TSBP1: variants seen among roughly 807,000 people sequenced by gnomAD.
TSBP1 encodes testis expressed basic protein 1.
In TSBP1, 56 loss-of-function variants were observed where a neutral mutation model predicts 68.8. That is an observed-to-expected ratio of 0.81 (90% CI 0.66 to 1.02). TSBP1 has a LOEUF of 1.02. TSBP1 is among the 50% of genes least tolerant of loss of function. TSBP1 has a pLI of 0.00. For missense variants in TSBP1, 502 were observed against 641.2 expected, an observed-to-expected ratio of 0.78 and a Z score of 2.34; for synonymous variants, 171 against 208.7, an observed-to-expected ratio of 0.82 and a Z score of 1.56.
Position 32,336,973 on chromosome 6 carries a change from AG to A in TSBP1, c.410-339del, listed in dbSNP as rs70993817. Among the ~76,000 whole-genome samples the A allele has an allele frequency of 0.34, 51,128 of 152,064 alleles. 9,648 individuals carry two copies. Among genetic ancestry groups the A allele is most frequent in the Middle Eastern group, 0.52 (153 of 294 alleles). ...TGCTTGGGCATCAGAAGGTGTCAGA[AG>A]ATTTGAATACAATTAAGAAGTATGA... On this transcript the variant is annotated intron_variant, in intron 11 of 22. Transcript: ENST00000612031. This position sits in a 1 kb window ranked among gnomAD's most constrained non-coding sequence, Gnocchi z 5.2.
Position 32,325,621 on chromosome 6 carries a change from A to G in TSBP1, c.515-2007T>C, listed in dbSNP as rs1281768199. 2.8e-5 allele frequency: 28 copies of G among 1,009,272 alleles called. No individual in the cohort carries two copies. The highest frequency in any genetic ancestry group is 4.9e-5 in the African/African-American group (3 of 61,724). The allele number at this position is 1,009,272 out of a possible 1,614,324, so 62.5% of individuals were successfully genotyped here. A position where few individuals can be genotyped will look rare whatever the true frequency, so the allele number is the denominator to read the frequency against. ...AGTATGGAAAAATTGAAGTGATTGAAAACATGACTGACCGAGGCAGTTGCA... is the reference window on the plus strand; with the variant it reads ...AGTATGGAAAAATTGAAGTGATTGAGAACATGACTGACCGAGGCAGTTGCA... On this transcript the variant is annotated intron_variant, in intron 16 of 22. Transcript: ENST00000612031. This position sits in a 1 kb window ranked among gnomAD's most constrained non-coding sequence, Gnocchi z 4.4.
chr6:32,310,761 A>ATATATTTTTTTTTTTTTT, intron 19 of TSBP1, among the ~76,000 whole-genome samples: 2 of 144,834 alleles, frequency 1.4e-5, no homozygotes, highest in East Asian at 2.0e-4. Context: ...ATATATATAT[A>ATATATTTTTTTTTTTTTT]TTTTTAATCT....
intron 18 of TSBP1, among the ~76,000 whole-genome samples, chr6:32,322,063 A>G (rs1431136826): frequency 6.6e-6 from 1 of 152,198 alleles, no homozygotes; most frequent in Non-Finnish European, 1.5e-5. Context: ...TAACCTTGAC[A>G]GGAACTTTGG....
In TSBP1 at chr6:32,335,939, G is replaced by C. The variant is rs375766880; in HGVS notation, c.431-7C>G. On this transcript the variant is annotated splice_polypyrimidine_tract_variant and splice_region_variant and intron_variant, in intron 12 of 22. Transcript: ENST00000612031. This position sits in a 1 kb window ranked among gnomAD's most constrained non-coding sequence, Gnocchi z 5.5. ...ATAGGTCCTGTAGCTCCGGCTGTGA[G>C]AGAGAAAGAGGGAGAAAGAAAAAGA... The C allele has an allele frequency of 4.7e-5, 75 of 1,607,804 alleles. 1 individual carries two copies. In the African/African-American group the frequency reaches 9.3e-4, roughly 20 times the overall value.
At position 32,337,867 on chromosome 6, in the gene TSBP1, C is replaced by A. The variant is rs59988507; in HGVS notation, c.409+1112G>T. ...TGACTTGATTATTTTAATAATGTTC[C>A]ATTTGTGTAAATACTCCAAGAGGAG... On this transcript the variant is annotated intron_variant, in intron 11 of 22. Coordinates refer to ENST00000612031, the Ensembl canonical transcript of TSBP1. This position sits in a 1 kb window ranked among gnomAD's most constrained non-coding sequence, Gnocchi z 5.5. 3.7e-3 allele frequency among the ~76,000 whole-genome samples: 569 copies of A among 152,238 alleles called. 3 individuals carry two copies. Among genetic ancestry groups the A allele is most frequent in the African/African-American group, 0.012 (511 of 41,538 alleles).
intron 8 of TSBP1, among the ~76,000 whole-genome samples, chr6:32,353,979 A>G (rs1771990467): frequency 6.6e-6 from 1 of 152,028 alleles, no homozygotes; most frequent in Non-Finnish European, 1.5e-5. Flanking sequence ...AACTATTAAG[A>G]GAAAGTATTA....
At chr6:32,351,378 G>A (rs1406501355) in intron 8 of TSBP1, among the ~76,000 whole-genome samples, 1 of 152,248 alleles carries the variant, frequency 6.6e-6, no homozygotes, top group African/African-American at 2.4e-5. Context: ...CTAAGACACT[G>A]CTGAGAGAAG....
chr6:32,333,204 G>A lies in TSBP1; in HGVS notation c.473-1150C>T, dbSNP rs190381097. ...TTGTATTTTTTTAAGTAGAGATGGG[G>A]TTTCACCATATTGGCCAGGCTGGTC... On this transcript the variant is annotated intron_variant, in intron 14 of 22. Transcript: ENST00000612031. The surrounding 1 kb of genome is among the most constrained non-coding windows in gnomAD (Gnocchi z 4.2). 6.7e-3 allele frequency among the ~76,000 whole-genome samples: 1,018 copies of A among 151,764 alleles called. 18 individuals carry two copies. The highest frequency in any genetic ancestry group is 0.02 in the East Asian group (101 of 5,148).
chr6:32,363,730 A>G (rs1773330600), intron 6 of TSBP1, among the ~76,000 whole-genome samples: 1 of 151,884 alleles, frequency 6.6e-6, no homozygotes, highest in African/African-American at 2.4e-5. Flanking sequence ...TACTTTTAAT[A>G]TTTTGTCTTT....
intron 8 of TSBP1, among the ~76,000 whole-genome samples, chr6:32,351,542 G>A (rs980066634): frequency 1.3e-5 from 2 of 152,154 alleles, no homozygotes; most frequent in South Asian, 2.1e-4. Flanking sequence ...CTGAAAGATG[G>A]AAGGAAAATC....
chr6:32,332,182 C>T, intron 14 of TSBP1, 128 bp from the exon 16 acceptor site: 2 of 675,344 alleles, frequency 3.0e-6, no homozygotes, highest in South Asian at 3.7e-5. Context: ...GTTATGAGAT[C>T]ATTAGGGAGA....
chr6:32,325,872 A>C lies in TSBP1; in HGVS notation c.515-2258T>G. On this transcript the variant is annotated intron_variant, in intron 16 of 22. Transcript: ENST00000612031. The surrounding 1 kb of genome is among the most constrained non-coding windows in gnomAD (Gnocchi z 4.4). ...GTGGGAATGACAACTTTGATCATGG[A>C]GGAAACTTCAGTGGTTGTGGTGGCT... 3 of 1,461,078 alleles carry C rather than the reference A, an allele frequency of 2.1e-6. No individual in the cohort carries two copies. Among genetic ancestry groups the C allele is most frequent in the Non-Finnish European group, 2.8e-6 (3 of 1,055,740 alleles). The allele number at this position is 1,461,078 out of a possible 1,614,324, so 90.5% of individuals were successfully genotyped here. A position where few individuals can be genotyped will look rare whatever the true frequency, so the allele number is the denominator to read the frequency against.
intron 8 of TSBP1, among the ~76,000 whole-genome samples, chr6:32,351,462 A>G (rs533752437): frequency 9.2e-4 from 140 of 152,276 alleles, no homozygotes; most frequent in South Asian, 4.1e-4. Flanking sequence ...AGGGAAAACC[A>G]CTGAGATTTT....
chr6:32,296,873 C>T (rs887827553), intron 22 of TSBP1, among the ~76,000 whole-genome samples: 4 of 152,170 alleles, frequency 2.6e-5, no homozygotes, highest in African/African-American at 7.2e-5. Context: ...TCTAGCTACA[C>T]CTTTCCTAAT....
intron 4 of TSBP1, 74 bp downstream of exon 4, chr6:32,367,851 A>T (rs9268378): frequency 0.23 from 254,730 of 1,098,834 alleles, 34,667 homozygotes; most frequent in East Asian, 0.48. Flanking sequence ...TCATGCTCAA[A>T]TGGAGATGAG....
chr6:32,337,132 A>G lies in TSBP1; in HGVS notation c.410-497T>C, dbSNP rs1446534433. Reference sequence around the variant, plus strand: ...TATAGGTCTAATAGTTCCAGTTAAAATATGGAAAAAACAAAATAGAACTAA... The same window carrying G: ...TATAGGTCTAATAGTTCCAGTTAAAGTATGGAAAAAACAAAATAGAACTAA... On this transcript the variant is annotated intron_variant, in intron 11 of 22. Coordinates refer to ENST00000612031, the Ensembl canonical transcript of TSBP1. The surrounding 1 kb of genome is among the most constrained non-coding windows in gnomAD (Gnocchi z 5.5). Among the ~76,000 whole-genome samples, 3 of 152,370 alleles carry G rather than the reference A, an allele frequency of 2.0e-5. No homozygotes were observed. Among genetic ancestry groups the G allele is most frequent in the African/African-American group, 7.2e-5 (3 of 41,588 alleles).
Position 32,304,239 on chromosome 6 carries a change from A to G in TSBP1, c.581-1610T>C, listed in dbSNP as rs935725920. ...CCAAACTAAACCAAAATAGAAACCA[A>G]AAACAACAAAAGTGTCAGTGCAAAT... On this transcript the variant is annotated intron_variant, in intron 19 of 22. Transcript: ENST00000612031. This position sits in a 1 kb window ranked among gnomAD's most constrained non-coding sequence, Gnocchi z 4.8. 2.0e-5 allele frequency among the ~76,000 whole-genome samples: 3 copies of G among 152,220 alleles called. No homozygotes were observed. The highest frequency in any genetic ancestry group is 7.2e-5 in the African/African-American group (3 of 41,460).
chr6:32,349,888 G>A, intron 8 of TSBP1, 128 bp from the exon 9 acceptor site: 1 of 1,006,464 alleles, frequency 9.9e-7, no homozygotes, highest in Admixed American at 1.7e-5. Flanking sequence ...TTATTTCCTG[G>A]TATCAATTGC....
chr6:32,318,460 TAAAG>T (rs1174861494), intron 18 of TSBP1, among the ~76,000 whole-genome samples: 3 of 151,786 alleles, frequency 2.0e-5, no homozygotes, highest in African/African-American at 7.3e-5. Flanking sequence ...TAAATAAAAA[TAAAG>T]AAAGCAAGTT....
Sources: allele counts gnomAD v4.1 joint callset (sites outside exome capture counted in the v4.1 genomes callset), GRCh38; gene constraint gnomAD v4.1.1; non-coding constraint Gnocchi (gnomAD v3.1); transcripts MANE v1.5; gene names NCBI Gene and HGNC (gene_info 2026-07-23, HGNC 2026-07-21).